ZNF710: variants seen among roughly 807,000 people sequenced by gnomAD.
ZNF710 encodes zinc finger protein 710.
ZNF710 carries 13 observed loss-of-function variants against 50.6 expected under a neutral mutation model. That is an observed-to-expected ratio of 0.26 (90% CI 0.17 to 0.41). The LOEUF (loss-of-function observed/expected upper bound fraction) is 0.41, where lower values mean the gene tolerates loss of function less well. Among genes scored for constraint, ZNF710 ranks in the 10% least tolerant of loss-of-function variants. The pLI, the probability that ZNF710 is intolerant of heterozygous loss-of-function variation, is 1.00. For synonymous variants in ZNF710, 383 were observed against 397.0 expected, an observed-to-expected ratio of 0.96 and a Z score of 0.42; for missense variants, 721 against 936.6, an observed-to-expected ratio of 0.77 and a Z score of 3.01.
At position 90,068,621 on chromosome 15, in the gene ZNF710, A is replaced by G; in HGVS notation, c.1458+26A>G. The G allele has an allele frequency of 6.4e-7, 1 of 1,553,984 alleles. No individual in the cohort carries two copies. Among genetic ancestry groups the G allele is most frequent in the East Asian group, 2.3e-5 (1 of 44,320 alleles). ...GTAAGGCCGTTCCCAGGGCCTGGGCATCTGCCTGCCCCTCCTGCCACTTTT... is the reference window on the plus strand; with the variant it reads ...GTAAGGCCGTTCCCAGGGCCTGGGCGTCTGCCTGCCCCTCCTGCCACTTTT... On this transcript the variant is annotated intron_variant, in intron 2 of 4. Coordinates refer to ENST00000268154, the MANE Select transcript of ZNF710 (RefSeq NM_198526.4). This position sits in a 1 kb window ranked among gnomAD's most constrained non-coding sequence, Gnocchi z 5.0.
intron 1 of ZNF710, among the ~76,000 whole-genome samples, chr15:90,006,440 T>C (rs1898143281): frequency 6.6e-6 from 1 of 152,222 alleles, no homozygotes; most frequent in Non-Finnish European, 1.5e-5. Context: ...CCTCATTCAT[T>C]GGCAGTCTGT....
chr15:90,019,024 G>T (rs983846905), intron 1 of ZNF710, among the ~76,000 whole-genome samples: 1 of 151,540 alleles, frequency 6.6e-6, no homozygotes, highest in African/African-American at 2.4e-5. Context: ...CTACAAAGAG[G>T]TTGATGATTA....
rs1567232288 is a variant in ZNF710 at position 90,045,384 on chromosome 15, C to T, written c.-28-21726C>T. ...GAGCCATGGAGAGGTTAGACAGTGA[C>T]GGCTGACAGGTTTGCCGTCTGGGAA... On this transcript the variant is annotated intron_variant, in intron 1 of 4. Transcript: ENST00000268154. 11 of 985,290 alleles carry T rather than the reference C, an allele frequency of 1.1e-5. No individual in the cohort carries two copies. The East Asian group carries it at 3.4e-4, about 30-fold the overall frequency. 61.0% of individuals were successfully genotyped at this position (985,290 alleles called of 1,614,324 possible).
At chr15:90,018,175 T>C (rs1898507014) in intron 1 of ZNF710, among the ~76,000 whole-genome samples, 1 of 150,446 alleles carries the variant, frequency 6.6e-6, no homozygotes, top group Non-Finnish European at 1.5e-5. Flanking sequence ...TTTTTCTTTT[T>C]TTTTTTTTTT....
chr15:90,046,526 G>A (rs1899466884), intron 1 of ZNF710, among the ~76,000 whole-genome samples: 2 of 152,118 alleles, frequency 1.3e-5, no homozygotes, highest in Admixed American at 6.5e-5. Context: ...TATGGAGGGC[G>A]GCAGGAGAAG....
Position 90,067,586 on chromosome 15 carries a change from T to A in ZNF710, c.449T>A (p.Leu150Gln). The A allele has an allele frequency of 6.2e-7, 1 of 1,610,182 alleles. No homozygotes were observed. The highest frequency in any genetic ancestry group is 1.3e-5 in the African/African-American group (1 of 75,000). ...GCGGCCAGTGGCGGCTGCGACGCCC[T>A]GGTGCAGAGCAGCGCCGTCAAGATG... Reference protein sequence around the residue: ...AEAASGGCDALVQSSAVKMID... With the variant: ...AEAASGGCDAQVQSSAVKMID... The change falls in exon 2 of 5, where the codon CTG becomes CAG. Residue 150 changes from leucine to glutamine, a missense_variant. Physicochemically the swap from Leu to Gln is moderately radical, Grantham distance 113. Transcript: ENST00000268154. The surrounding 1 kb of genome is among the most constrained non-coding windows in gnomAD (Gnocchi z 8.1).
chr15:90,065,229 T>C (rs1900128357), intron 1 of ZNF710, among the ~76,000 whole-genome samples: 1 of 152,022 alleles, frequency 6.6e-6, no homozygotes, highest in East Asian at 1.9e-4. Context: ...CGCTGGGCGC[T>C]GGGGGGAGGG....
chr15:90,022,245 G>A (rs1898646775), intron 1 of ZNF710, among the ~76,000 whole-genome samples: 1 of 151,328 alleles, frequency 6.6e-6, no homozygotes, highest in Non-Finnish European at 1.5e-5. Context: ...GTGTGGTGGT[G>A]CATGCCTGTA....
intron 1 of ZNF710, among the ~76,000 whole-genome samples, chr15:90,021,016 C>CA (rs968013988): frequency 7.5e-5 from 8 of 106,138 alleles, no homozygotes; most frequent in Non-Finnish European, 1.6e-4. Context: ...GGCACCCCCC[C>CA]CCCCTTAGCA....
intron 1 of ZNF710, among the ~76,000 whole-genome samples, chr15:90,064,163 G>A (rs1210311458): frequency 6.6e-6 from 1 of 152,210 alleles, no homozygotes; most frequent in Non-Finnish European, 1.5e-5. Flanking sequence ...TGTGTCAGAC[G>A]GACTGTCGCG....
At chr15:90,002,161 G>A (rs2151452749) in intron 1 of ZNF710, among the ~76,000 whole-genome samples, 1 of 151,508 alleles carries the variant, frequency 6.6e-6, no homozygotes, top group African/African-American at 2.4e-5. Flanking sequence ...TCGCCGCCCC[G>A]CCCCTACGGC....
At chr15:90,007,268 G>A (rs1470625646) in intron 1 of ZNF710, among the ~76,000 whole-genome samples, 1 of 152,054 alleles carries the variant, frequency 6.6e-6, no homozygotes, top group African/African-American at 2.4e-5. Flanking sequence ...CCTAAAACGG[G>A]GAGAGAGAGG....
At chr15:90,026,992 T>G (rs1898800067) in intron 1 of ZNF710, among the ~76,000 whole-genome samples, 1 of 152,194 alleles carries the variant, frequency 6.6e-6, no homozygotes, top group African/African-American at 2.4e-5. Context: ...CATCACTATT[T>G]AACATTGCTT....
chr15:90,033,967 C>T (rs1029720618), intron 1 of ZNF710, among the ~76,000 whole-genome samples: 6 of 152,044 alleles, frequency 3.9e-5, no homozygotes, highest in South Asian at 2.1e-4. Context: ...TTCTGAAGGC[C>T]GAGGCAGGCA....
In ZNF710 at chr15:90,062,802, C is replaced by T. The variant is rs1384710804; in HGVS notation, c.-28-4308C>T. Among the ~76,000 whole-genome samples the T allele has an allele frequency of 6.6e-6, 1 of 152,144 alleles. No individual in the cohort carries two copies. The highest frequency in any genetic ancestry group is 2.4e-5 in the African/African-American group (1 of 41,414). On this transcript the variant is annotated intron_variant, in intron 1 of 4. Coordinates refer to ENST00000268154, the MANE Select transcript of ZNF710 (RefSeq NM_198526.4). This position sits in a 1 kb window ranked among gnomAD's most constrained non-coding sequence, Gnocchi z 5.6. ...TGCGAAACGCAGGTAAATTAGATTC[C>T]CTCCTCAGCAGAGCCCCTTCTGCAT...
rs982904817 is a variant in ZNF710 at position 90,038,769 on chromosome 15, G to T, written c.-28-28341G>T. Among the ~76,000 whole-genome samples the T allele has an allele frequency of 4.1e-5, 6 of 147,160 alleles. No homozygotes were observed. The Admixed American group carries it at 4.1e-4, about 10-fold the overall frequency. ...ACATTGGCTTTGAAGAGTCCAGGAA[G>T]GCCAGCTGTGTTACACAATAGATTT... On this transcript the variant is annotated intron_variant, in intron 1 of 4. Transcript: ENST00000268154.
intron 1 of ZNF710, among the ~76,000 whole-genome samples, chr15:90,005,226 A>G (rs775607173): frequency 1.3e-5 from 2 of 152,168 alleles, no homozygotes; most frequent in Non-Finnish European, 1.5e-5. Flanking sequence ...TACTTGCTGA[A>G]TGAATGTACT....
intron 1 of ZNF710, among the ~76,000 whole-genome samples, chr15:90,037,185 A>G (rs1899153879): frequency 6.6e-6 from 1 of 152,110 alleles, no homozygotes; most frequent in Admixed American, 6.5e-5. Flanking sequence ...AAAAATTATC[A>G]AAGTTGTTCC....
At chr15:90,013,637 CT>C (rs1350620985) in intron 1 of ZNF710, among the ~76,000 whole-genome samples, 1 of 151,962 alleles carries the variant, frequency 6.6e-6, no homozygotes, top group East Asian at 1.9e-4. Flanking sequence ...TCAGAGGAAC[CT>C]TTTTTTTAAA....
Sources: gnomAD v4.1 joint callset for allele counts (sites outside exome capture counted in the v4.1 genomes callset) on GRCh38, gnomAD v4.1.1 for gene constraint, Gnocchi (gnomAD v3.1) non-coding constraint, MANE v1.5 for transcripts, NCBI Gene and HGNC (gene_info 2026-07-23, HGNC 2026-07-21) for gene names.